Variants in TBL1X observed in about 807,000 individuals in gnomAD.
TBL1X encodes the protein F-box-like/WD repeat-containing protein TBL1X.
A neutral mutation model predicts 50.7 loss-of-function variants in TBL1X; 10 were observed. The observed-to-expected ratio is 0.20, with a 90% CI of 0.12 to 0.33. TBL1X has a LOEUF of 0.33. Among genes scored for constraint, TBL1X ranks in the 10% least tolerant of loss-of-function variants. The pLI, the probability that TBL1X is intolerant of heterozygous loss-of-function variation, is 1.00. For missense variants in TBL1X, 340 were observed against 504.4 expected (o/e 0.67, Z 3.12); for synonymous variants, 190 against 214.7 (o/e 0.88, Z 1.01).
At chrX:9,714,218 T>C (rs2083265110) in intron 16 of TBL1X, among the ~76,000 whole-genome samples, 1 of 112,573 alleles carries the variant, frequency 8.9e-6, no homozygotes, top group Non-Finnish European at 1.9e-5. Flanking sequence ...TTCCATTACA[T>C]GTATATTATG....
chrX:9,602,626 A>G (rs1601787623), intron 2 of TBL1X, among the ~76,000 whole-genome samples: 1 of 111,955 alleles, frequency 8.9e-6, no homozygotes, highest in East Asian at 2.8e-4. Context: ...ATACTTTTAA[A>G]TTGCAGTTGT....
intron 2 of TBL1X, among the ~76,000 whole-genome samples, chrX:9,626,986 A>G (rs938106276): frequency 1.8e-5 from 2 of 112,498 alleles, no homozygotes; most frequent in South Asian, 3.6e-4. Context: ...AAAGCATTGT[A>G]TATATTTAAC....
At chrX:9,684,339 C>A in intron 6 of TBL1X, 151 bp downstream of exon 6, 2 of 809,129 alleles carry the variant, frequency 2.5e-6, no homozygotes, top group Non-Finnish European at 1.7e-6. Flanking sequence ...AATCCCAGGA[C>A]TTTGGGAGGC....
intron 3 of TBL1X, among the ~76,000 whole-genome samples, chrX:9,648,259 TAAG>T (rs56181630): frequency 0.29 from 32,084 of 110,808 alleles, 3,640 homozygotes; most frequent in Non-Finnish European, 0.34. Context: ...ATAACTGTCA[TAAG>T]AAGTAATAGT....
upstream of TBL1X, chrX:9,464,921 G>GT (rs2081759567): frequency 9.1e-6 from 1 of 109,913 alleles, no homozygotes; most frequent in African/African-American, 3.3e-5. Flanking sequence ...CCTCGTAGGG[G>GT]AGGGGCTGGT....
At chrX:9,670,112 T>G (rs1311820163) in intron 5 of TBL1X, among the ~76,000 whole-genome samples, 3 of 112,100 alleles carry the variant, frequency 2.7e-5, no homozygotes, top group African/African-American at 9.7e-5. Context: ...ATTATGCCAT[T>G]ATGCCATAAT....
intron 1 of TBL1X, among the ~76,000 whole-genome samples, chrX:9,494,927 G>A (rs751256696): frequency 1.5e-4 from 17 of 112,015 alleles, no homozygotes; most frequent in Non-Finnish European, 2.8e-4. Context: ...ACCAATGCTT[G>A]CTTCTCGCCT....
chrX:9,521,621 C>T (rs1158453831), intron 2 of TBL1X, among the ~76,000 whole-genome samples: 1 of 112,225 alleles, frequency 8.9e-6, no homozygotes. Context: ...CTGTAGTCCT[C>T]TCAGCAAAAC....
At chrX:9,602,787 A>C (rs1441986965) in intron 2 of TBL1X, among the ~76,000 whole-genome samples, 2 of 112,430 alleles carry the variant, frequency 1.8e-5, no homozygotes, top group Non-Finnish European at 3.7e-5. Context: ...ATAAATAATG[A>C]GTCTGAGTTT....
chrX:9,472,562 G>A (rs947831423), intron 1 of TBL1X, among the ~76,000 whole-genome samples: 1 of 109,126 alleles, frequency 9.2e-6, no homozygotes, highest in South Asian at 3.9e-4. Flanking sequence ...AAAGTGCTGC[G>A]ATTACAGTTG....
chrX:9,476,378 T>C (rs1317287641), intron 1 of TBL1X, among the ~76,000 whole-genome samples: 1 of 112,600 alleles, frequency 8.9e-6, no homozygotes, highest in East Asian at 2.8e-4. Flanking sequence ...AACCACTGAA[T>C]TGCTTCAGCT....
intron 2 of TBL1X, chrX:9,534,779 C>G (rs1480873026): frequency 9.0e-6 from 1 of 111,053 alleles, no homozygotes; most frequent in Non-Finnish European, 1.9e-5. Context: ...CCCCTCTTCC[C>G]CCCTCTCTGA....
chrX:9,491,338 A>ATATTTTTT (rs1328551249), intron 1 of TBL1X, among the ~76,000 whole-genome samples: 3 of 31,314 alleles, frequency 9.6e-5, no homozygotes, highest in African/African-American at 2.3e-4. Context: ...ATATATATAT[A>ATATTTTTT]TTTTTTTTTT....
At chrX:9,629,087 G>A (rs186564097) in intron 2 of TBL1X, among the ~76,000 whole-genome samples, 96 of 112,309 alleles carry the variant, frequency 8.5e-4, no homozygotes, top group African/African-American at 2.5e-3. Context: ...CTGCATGTTA[G>A]TTGTCTAGGG....
At chrX:9,466,415 G>A (rs2081775272) in intron 1 of TBL1X, among the ~76,000 whole-genome samples, 1 of 112,851 alleles carries the variant, frequency 8.9e-6, no homozygotes, top group African/African-American at 3.2e-5. Context: ...TCCCTGCAAG[G>A]CCTCGTGTTC....
rs376943225 is a variant in TBL1X at position 9,588,812 on chromosome X, A to G, written c.-130-51461A>G. ...GAGACTGGGTTTTACCATGTTGGCC[A>G]GGCTGGTCCCAAACTCCTGACTTCA... On this transcript the variant is annotated intron_variant, in intron 2 of 17. Coordinates refer to ENST00000645353, the MANE Select transcript of TBL1X (RefSeq NM_005647.4). Among the ~76,000 whole-genome samples the G allele has an allele frequency of 4.5e-4, 50 of 110,755 alleles. 1 individual carries two copies. The East Asian group carries it at 0.011, about 25-fold the overall frequency.
chrX:9,657,738 AC>A (rs1448166066), intron 5 of TBL1X, among the ~76,000 whole-genome samples: 1 of 112,431 alleles, frequency 8.9e-6, no homozygotes, highest in African/African-American at 3.2e-5. Context: ...AATAGCTGTT[AC>A]CCACAGGCGA....
intron 5 of TBL1X, among the ~76,000 whole-genome samples, chrX:9,672,673 C>T (rs1020270072): frequency 9.0e-6 from 1 of 111,485 alleles, no homozygotes; most frequent in Non-Finnish European, 1.9e-5. Flanking sequence ...GACTCCTCCC[C>T]TCCAAGTCAC....
intron 1 of TBL1X, among the ~76,000 whole-genome samples, chrX:9,479,558 AGG>A (rs1430133153): frequency 1.8e-5 from 2 of 112,813 alleles, no homozygotes; most frequent in Non-Finnish European, 3.7e-5. Context: ...TTCAAAAATA[AGG>A]ACAGTTTAAA....
Sources: allele counts gnomAD v4.1 joint callset (sites outside exome capture counted in the v4.1 genomes callset), GRCh38; gene constraint gnomAD v4.1.1; transcripts MANE v1.5; gene names NCBI Gene and HGNC (gene_info 2026-07-23, HGNC 2026-07-21).